Variants in MGAT5 observed in about 807,000 individuals in gnomAD.
The protein encoded by MGAT5 is alpha-1,6-mannosylglycoprotein 6-beta-N-acetylglucosaminyltransferase A.
Under a neutral mutation model 94.3 loss-of-function variants are expected in MGAT5, and 30 were observed. The observed-to-expected ratio is 0.32, with a 90% confidence interval of 0.24 to 0.43. MGAT5 has a LOEUF of 0.43. MGAT5 is among the 20% of genes least tolerant of loss of function. The probability of loss-of-function intolerance (pLI) is 1.00; values close to 1 mark genes in which losing one functional copy is unlikely to be tolerated. For missense variants in MGAT5, 691 were observed against 905.5 expected (o/e 0.76, Z 3.04); for synonymous variants, 310 against 322.9 (o/e 0.96, Z 0.43).
chr2:134,252,532 G>A (rs950126182), upstream of MGAT5, among the ~76,000 whole-genome samples: 8 of 152,174 alleles, frequency 5.3e-5, no homozygotes, highest in Non-Finnish European at 1.0e-4. Context: ...TTAAAGGATA[G>A]GCTGTGGACC....
rs1686113582 is a variant in MGAT5 at position 134,451,614 on chromosome 2, T to C, written c.*2767T>C. The C allele has an allele frequency of 6.6e-6, 1 of 152,220 alleles. No individual in the cohort carries two copies. Among genetic ancestry groups the C allele is most frequent in the African/African-American group, 2.4e-5 (1 of 41,450 alleles). The allele number at this position is 152,220 out of a possible 1,614,324, so 9.4% of individuals were successfully genotyped here. On this transcript the variant is annotated 3_prime_UTR_variant, in exon 16 of 16. Coordinates refer to ENST00000281923, the MANE Select transcript of MGAT5 (RefSeq NM_002410.5). Reference sequence around the variant, plus strand: ...GATCTTGATAGAATCCTAAACCGATTTATAGCTGATAACAGTTCCATGGGG... The same window carrying C: ...GATCTTGATAGAATCCTAAACCGATCTATAGCTGATAACAGTTCCATGGGG...
intron 10 of MGAT5, among the ~76,000 whole-genome samples, chr2:134,387,319 TATATATA>T (rs1159131156): frequency 2.4e-4 from 12 of 50,380 alleles, no homozygotes; most frequent in African/African-American, 9.3e-4. Context: ...TATATATATA[TATATATA>T]TATATATTTT....
intron 1 of MGAT5, among the ~76,000 whole-genome samples, chr2:134,165,356 G>A (rs1445291648): frequency 4.6e-5 from 7 of 152,166 alleles, no homozygotes; most frequent in Non-Finnish European, 1.0e-4. Flanking sequence ...TTAATATATT[G>A]CATGGGATTG....
At chr2:134,169,192 C>T (rs1688084068) in intron 1 of MGAT5, among the ~76,000 whole-genome samples, 1 of 152,082 alleles carries the variant, frequency 6.6e-6, no homozygotes, top group Non-Finnish European at 1.5e-5. Context: ...GTTTGTAGGG[C>T]ATTTATAACT....
At position 134,179,450 on chromosome 2, in the gene MGAT5, G is replaced by A. The variant is rs535305060; in HGVS notation, c.-143+59159G>A. Among the ~76,000 whole-genome samples, 13 of 152,230 alleles carry A rather than the reference G, an allele frequency of 8.5e-5. 1 individual carries two copies. The East Asian group carries it at 1.2e-3, about 14-fold the overall frequency. On this transcript the variant is annotated intron_variant, in intron 1 of 16. Coordinates refer to the MGAT5 transcript ENST00000409645. ...GTGAAAATGTTGTGACCAGGGGCTC[G>A]CGGGTACCCAACCCTGTATCTTCTC...
intron 1 of MGAT5, among the ~76,000 whole-genome samples, chr2:134,143,663 T>C (rs1258112543): frequency 1.3e-5 from 2 of 152,138 alleles, no homozygotes; most frequent in East Asian, 3.8e-4. Context: ...AATGGTTGGC[T>C]GAGGATAAAG....
intron 4 of MGAT5, among the ~76,000 whole-genome samples, chr2:134,325,803 T>A (rs1573809346): frequency 6.6e-6 from 1 of 152,222 alleles, no homozygotes; most frequent in South Asian, 2.1e-4. Flanking sequence ...TTTTCCTCCT[T>A]CTAATTTTTT....
At chr2:134,378,708 C>T (rs114975231) in intron 10 of MGAT5, among the ~76,000 whole-genome samples, 3,182 of 151,746 alleles carry the variant, frequency 0.021, 53 homozygotes, top group Middle Eastern at 0.16. Flanking sequence ...CTGTGACTCC[C>T]GGGTTCAAGT....
At chr2:134,122,731 C>G (rs559588049) in intron 1 of MGAT5, among the ~76,000 whole-genome samples, 3 of 152,332 alleles carry the variant, frequency 2.0e-5, no homozygotes, top group Admixed American at 6.5e-5. Context: ...CTGGGACACT[C>G]GTGACTGGAG....
intron 2 of MGAT5, among the ~76,000 whole-genome samples, chr2:134,306,506 A>C (rs1686338697): frequency 6.6e-6 from 1 of 152,212 alleles, no homozygotes; most frequent in African/African-American, 2.4e-5. Flanking sequence ...AATATACAAT[A>C]GGACGAGTAT....
chr2:134,438,619 C>T (rs912398825), intron 14 of MGAT5, among the ~76,000 whole-genome samples: 3 of 152,224 alleles, frequency 2.0e-5, no homozygotes, highest in African/African-American at 7.2e-5. Context: ...TCTGTACAGT[C>T]ATGCTGTCTG....
At chr2:134,444,603 A>G (rs1199989249) in intron 15 of MGAT5, among the ~76,000 whole-genome samples, 1 of 152,250 alleles carries the variant, frequency 6.6e-6, no homozygotes. Flanking sequence ...GCCAATTAGC[A>G]ATTAGCAGTT....
At chr2:134,121,306 C>G (rs1408827861) in intron 1 of MGAT5, among the ~76,000 whole-genome samples, 1 of 152,202 alleles carries the variant, frequency 6.6e-6, no homozygotes, top group Non-Finnish European at 1.5e-5. Flanking sequence ...CGCGGTGCGC[C>G]CGCTTGGTGC....
intron 2 of MGAT5, among the ~76,000 whole-genome samples, chr2:134,299,466 T>C (rs1685888694): frequency 6.6e-6 from 1 of 152,222 alleles, no homozygotes; most frequent in East Asian, 1.9e-4. Context: ...GGAATGCTAA[T>C]TGCAACCTTC....
At position 134,314,149 on chromosome 2, in the gene MGAT5, A is replaced by G. The variant is rs1254104141; in HGVS notation, c.407-3380A>G. 3.3e-5 allele frequency among the ~76,000 whole-genome samples: 5 copies of G among 152,210 alleles called. No homozygotes were observed. In the East Asian group the frequency reaches 9.6e-4, roughly 29 times the overall value. On this transcript the variant is annotated intron_variant, in intron 2 of 15. Coordinates refer to ENST00000281923, the MANE Select transcript of MGAT5 (RefSeq NM_002410.5). ...TCAGGTTTGGGAGCAGTTCTGCCCCATGCTGGGAAGGCTGGGACTCCCAGT... is the reference window on the plus strand; with the variant it reads ...TCAGGTTTGGGAGCAGTTCTGCCCCGTGCTGGGAAGGCTGGGACTCCCAGT...
Position 134,282,093 on chromosome 2 carries a change from G to A in MGAT5, c.406+11543G>A, listed in dbSNP as rs554039008. 3.9e-5 allele frequency among the ~76,000 whole-genome samples: 6 copies of A among 152,308 alleles called. No homozygotes were observed. The South Asian group carries it at 1.0e-3, about 26-fold the overall frequency. ...TTGTGTGTTCAGGTTTTCTCCTTTC[G>A]CTTCTGGCCTCTGTCAGACATGAAT... On this transcript the variant is annotated intron_variant, in intron 2 of 15. Coordinates refer to ENST00000281923, the MANE Select transcript of MGAT5 (RefSeq NM_002410.5).
intron 1 of MGAT5, among the ~76,000 whole-genome samples, chr2:134,266,032 G>A (rs987381919): frequency 4.1e-4 from 62 of 151,766 alleles, no homozygotes; most frequent in African/African-American, 1.4e-3. Context: ...GCTGGGTGTG[G>A]TGGCACCTGT....
intron 1 of MGAT5, among the ~76,000 whole-genome samples, chr2:134,186,027 G>A (rs749061613): frequency 5.3e-5 from 8 of 152,250 alleles, no homozygotes; most frequent in Non-Finnish European, 8.8e-5. Context: ...AGGCACCTGT[G>A]TGGGGCTTGG....
At chr2:134,184,164 G>A (rs1167754359) in intron 1 of MGAT5, among the ~76,000 whole-genome samples, 1 of 152,200 alleles carries the variant, frequency 6.6e-6, no homozygotes, top group Non-Finnish European at 1.5e-5. Context: ...TGATGATGGA[G>A]AAATAATGGT....
Sources: gnomAD v4.1 joint callset for allele counts (sites outside exome capture counted in the v4.1 genomes callset) on GRCh38, gnomAD v4.1.1 for gene constraint, MANE v1.5 for transcripts, NCBI Gene and HGNC (gene_info 2026-07-23, HGNC 2026-07-21) for gene names.